INCENP: variants seen among roughly 807,000 people sequenced by gnomAD.
The protein encoded by INCENP is inner centromere protein, also known as binds and activates aurora-B and -C in vivo and in vitro.
Under a neutral mutation model 107.3 loss-of-function variants are expected in INCENP, and 43 were observed. The ratio of observed to expected loss-of-function variants is 0.40; its 90% CI spans 0.31 to 0.52. The LOEUF is 0.52. Among genes scored for constraint, INCENP ranks in the 20% least tolerant of loss-of-function variants. The probability of loss-of-function intolerance (pLI) is 0.53; values close to 1 mark genes in which losing one functional copy is unlikely to be tolerated. For synonymous variants in INCENP, 488 were observed against 494.4 expected, an observed-to-expected ratio of 0.99 and a Z score of 0.17; for missense variants, 1,089 against 1,250.9, an observed-to-expected ratio of 0.87 and a Z score of 1.95.
At chr11:62,150,023 T>C (rs1417253595) in intron 17 of INCENP, 34 bp from the exon 18 acceptor site, 2 of 1,607,984 alleles carry the variant, frequency 1.2e-6, no homozygotes, top group Non-Finnish European at 1.7e-6. Context: ...GGGAATGCCA[T>C]GGAGGGAACT....
At position 62,140,256 on chromosome 11, in the gene INCENP, T is replaced by G; in HGVS notation, c.1314T>G (p.Asp438Glu). Reference sequence around the variant, plus strand: ...CAGAGGCCAAGACGGACCAAGCAGATGGACCCAGAGAGCCACCGCAGAGTG... The same window carrying G: ...CAGAGGCCAAGACGGACCAAGCAGAGGGACCCAGAGAGCCACCGCAGAGTG... ...GQQEAKTDQA[D>E]GPREPPQSAR... The change falls in exon 8 of 19, where the codon GAT (aspartate) becomes GAG (glutamate). Residue 438 changes from aspartate to glutamate, a missense_variant. Asp to Glu is a conservative substitution (Grantham distance 45, BLOSUM62 2). Coordinates refer to ENST00000394818, the MANE Select transcript of INCENP (RefSeq NM_001040694.2). 1 of 1,613,668 alleles carries G rather than the reference T, an allele frequency of 6.2e-7. No individual in the cohort carries two copies. Among genetic ancestry groups the G allele is most frequent in the Non-Finnish European group, 8.5e-7 (1 of 1,179,886 alleles).
intron 11 of INCENP, among the ~76,000 whole-genome samples, chr11:62,142,881 G>A (rs1944154281): frequency 6.6e-6 from 1 of 152,308 alleles, no homozygotes; most frequent in South Asian, 2.1e-4. Context: ...GAGCCTGGGC[G>A]TTCGTCAATA....
At chr11:62,149,409 C>G (rs1269983214) in intron 17 of INCENP, among the ~76,000 whole-genome samples, 3 of 152,152 alleles carry the variant, frequency 2.0e-5, no homozygotes, top group Admixed American at 1.3e-4. Flanking sequence ...ACTGCTGTTA[C>G]CAAACAAAAC....
chr11:62,152,073 A>G lies in INCENP; in HGVS notation c.*97A>G. 1 of 932,482 alleles carries G rather than the reference A, an allele frequency of 1.1e-6. No individual in the cohort carries two copies. The highest frequency in any genetic ancestry group is 2.9e-5 in the East Asian group (1 of 34,798). 57.8% of individuals were successfully genotyped at this position (932,482 alleles called of 1,614,324 possible). ...TTGGTCTGTTGCCCTCCTTCTTGGC[A>G]TGCCATTGTGGAGGGCTTGGCCAGG... On this transcript the variant is annotated 3_prime_UTR_variant, in exon 19 of 19. Transcript: ENST00000394818.
intron 4 of INCENP, among the ~76,000 whole-genome samples, chr11:62,137,575 C>T (rs574365631): frequency 2.4e-4 from 37 of 152,302 alleles, no homozygotes; most frequent in African/African-American, 8.7e-4. Flanking sequence ...ATTCCCAGCC[C>T]AGTGAAGGTG....
Position 62,130,204 on chromosome 11 carries a change from G to A in INCENP, c.677G>A (p.Arg226Lys), listed in dbSNP as rs773691507. The change falls in exon 4 of 19, where the codon AGG becomes AAG. Residue 226 changes from arginine to lysine, a missense_variant. Physicochemically the swap from Arg to Lys is conservative, Grantham distance 26 (BLOSUM62 2). Transcript: ENST00000394818. Reference sequence around the variant, plus strand: ...TCAACACCTAAGAAGTCGAAGGCCAGGATACTGGAGTCCATCACAGTGAGC... The same window carrying A: ...TCAACACCTAAGAAGTCGAAGGCCAAGATACTGGAGTCCATCACAGTGAGC... The part of the protein sequence containing the change: ...EESTPKKSKA[R>K]ILESITVSSL... The A allele has an allele frequency of 6.2e-7, 1 of 1,613,976 alleles. No individual in the cohort carries two copies. The highest frequency in any genetic ancestry group is 8.5e-7 in the Non-Finnish European group (1 of 1,180,032).
chr11:62,128,247 A>G lies in INCENP; in HGVS notation c.86A>G (p.Lys29Arg). Residue 29 changes from lysine to arginine, a missense_variant, in exon 2 of 19, where the codon AAG becomes AGG. Transcript: ENST00000394818. ...GAGTTTCTCTGCAACATGGATAATA[A>G]GGACTTGGTGTGGCTTGAGGAAATC... Reference protein sequence around the residue: ...LMEFLCNMDNKDLVWLEEIQE... With the variant: ...LMEFLCNMDNRDLVWLEEIQE... The G allele has an allele frequency of 6.2e-7, 1 of 1,614,210 alleles. No homozygotes were observed. Among genetic ancestry groups the G allele is most frequent in the Non-Finnish European group, 8.5e-7 (1 of 1,180,016 alleles).
At position 62,140,788 on chromosome 11, in the gene INCENP, C is replaced by T. The variant is rs1201431115; in HGVS notation, c.1428C>T (p.Ser476=). Residue 476 remains serine, a synonymous_variant, in exon 9 of 19, where the codon AGC becomes AGT. Coordinates refer to ENST00000394818, the MANE Select transcript of INCENP (RefSeq NM_001040694.2). The part of the protein sequence containing the change: ...LEDEELQPPR[S]KTPSSPCPAS... ...ATGAGGAGCTGCAGCCCCCCAGGAG[C>T]AAGACCCCTTCCTCACCCTGCCCAG... is the stretch of plus-strand genomic sequence containing the variant. 1.9e-6 allele frequency: 3 copies of T among 1,612,560 alleles called. No individual in the cohort carries two copies. Among genetic ancestry groups the T allele is most frequent in the Non-Finnish European group, 2.5e-6 (3 of 1,179,818 alleles).
chr11:62,146,362 C>T lies in INCENP; in HGVS notation c.1960-296C>T, dbSNP rs570518132. 5.9e-5 allele frequency among the ~76,000 whole-genome samples: 9 copies of T among 152,336 alleles called. No individual in the cohort carries two copies. The South Asian group carries it at 8.3e-4, about 14-fold the overall frequency. On this transcript the variant is annotated intron_variant, in intron 14 of 18. Coordinates refer to ENST00000394818, the MANE Select transcript of INCENP (RefSeq NM_001040694.2). ...ATAACTGCAGTCTCCATTTTATAGA[C>T]GAGGAAACAGGCCAGAGGGTTTAAA...
intron 1 of INCENP, among the ~76,000 whole-genome samples, chr11:62,126,200 G>GTTT (rs57052675): frequency 1.0e-5 from 1 of 99,980 alleles, no homozygotes; most frequent in African/African-American, 3.0e-5. Flanking sequence ...GTTGTGCATG[G>GTTT]TTTTTTTTTT....
chr11:62,139,896 T>G (rs1944075360), intron 7 of INCENP, among the ~76,000 whole-genome samples: 1 of 152,076 alleles, frequency 6.6e-6, no homozygotes, highest in African/African-American at 2.4e-5. Context: ...AGCCAGGCAC[T>G]CGCGGGGAGG....
chr11:62,145,593 G>A, intron 13 of INCENP, 36 bp from the exon 14 acceptor site: 1 of 1,576,410 alleles, frequency 6.3e-7, no homozygotes, highest in Non-Finnish European at 8.6e-7. Flanking sequence ...ATTGAATGTG[G>A]GTGCTCCAAT....
At chr11:62,136,272 C>G (rs2134638365) in intron 4 of INCENP, among the ~76,000 whole-genome samples, 1 of 152,322 alleles carries the variant, frequency 6.6e-6, no homozygotes. Context: ...CAGCTGGCAG[C>G]TTAGAGACGA....
At position 62,140,693 on chromosome 11, in the gene INCENP, C is replaced by T. The variant is rs566468133; in HGVS notation, c.1344-11C>T. ...GGCTGCCCTGTGATGCCGCCGCCCG[C>T]GCCTTGGCAGGAGGAAGCGCAGCTA... On this transcript the variant is annotated splice_polypyrimidine_tract_variant and intron_variant, in intron 8 of 18. Coordinates refer to ENST00000394818, the MANE Select transcript of INCENP (RefSeq NM_001040694.2). 47 of 1,551,422 alleles carry T rather than the reference C, an allele frequency of 3.0e-5. No individual in the cohort carries two copies. The highest frequency in any genetic ancestry group is 2.3e-4 in the Middle Eastern group (1 of 4,410).
Position 62,137,872 on chromosome 11 carries a change from C to G in INCENP, c.1104C>G (p.Pro368=). 6.2e-7 allele frequency: 1 copy of G among 1,614,050 alleles called. No individual in the cohort carries two copies. Among genetic ancestry groups the G allele is most frequent in the Non-Finnish European group, 8.5e-7 (1 of 1,179,942 alleles). The change falls in exon 5 of 19, where the codon CCC becomes CCG. Residue 368 remains proline (P), a synonymous_variant. Coordinates refer to ENST00000394818, the MANE Select transcript of INCENP (RefSeq NM_001040694.2). ...YLERLLNVEV[P]QKVGSEQKEP... The stretch of plus-strand genomic sequence containing the variant: ...AGAGGCTCCTGAATGTTGAGGTGCC[C>G]CAGAAAGTTGGGTGAGTTCAGTTCC...
chr11:62,133,669 A>G (rs1379428637), intron 4 of INCENP, among the ~76,000 whole-genome samples: 1 of 152,158 alleles, frequency 6.6e-6, no homozygotes, highest in African/African-American at 2.4e-5. Flanking sequence ...AGAGCCATGT[A>G]GTCACATGGG....
chr11:62,143,052 G>GC (rs56902318), intron 11 of INCENP, among the ~76,000 whole-genome samples: 107,839 of 108,024 alleles, frequency 1, 53,827 homozygotes, highest in Middle Eastern at 1. Context: ...ATAGGATTTG[G>GC]CCACACTTTT....
intron 9 of INCENP, 28 bp from the exon 10 acceptor site, chr11:62,140,885 C>T (rs201802247): frequency 3.1e-6 from 5 of 1,613,902 alleles, no homozygotes; most frequent in Non-Finnish European, 4.2e-6. Flanking sequence ...CCCGCCTGCC[C>T]ACTTCTGACC....
chr11:62,130,738 C>T, intron 4 of INCENP, 148 bp downstream of exon 4: 6 of 694,122 alleles, frequency 8.6e-6, no homozygotes, highest in Non-Finnish European at 1.4e-5. Context: ...GGGATGGTGG[C>T]CGCTAGCTGG....
Sources: allele counts gnomAD v4.1 joint callset (sites outside exome capture counted in the v4.1 genomes callset), GRCh38; gene constraint gnomAD v4.1.1; transcripts MANE v1.5; gene names NCBI Gene and HGNC (gene_info 2026-07-23, HGNC 2026-07-21).